RGP1: variants seen among roughly 807,000 people sequenced by gnomAD.
RGP1 encodes RGP1 partner of RAB6A GEF complex, also known as RAB6A-GEF complex partner protein 2.
RGP1 carries 28 observed loss-of-function variants against 44.5 expected under a neutral mutation model. That is an observed-to-expected ratio of 0.63 (90% CI 0.47 to 0.86). The LOEUF (loss-of-function observed/expected upper bound fraction) is 0.86, where lower values mean the gene tolerates loss of function less well. Ranked by LOEUF, RGP1 falls within the 40% of genes least tolerant of loss-of-function variation. The pLI is 0.00. For synonymous variants in RGP1, 212 were observed against 196.7 expected, an observed-to-expected ratio of 1.08 and a Z score of -0.65; for missense variants, 417 against 490.7, an observed-to-expected ratio of 0.85 and a Z score of 1.42.
At chr9:35,787,282 T>C in the RGP1 span, among the ~76,000 whole-genome samples, 2 of 151,672 alleles carry the variant, frequency 1.3e-5, no homozygotes, top group African/African-American at 4.8e-5. Context: ...CAGGCTGGAG[T>C]GCAGAGGTGC....
the RGP1 span, among the ~76,000 whole-genome samples, chr9:35,783,369 A>G: frequency 6.6e-6 from 1 of 152,134 alleles, no homozygotes; most frequent in South Asian, 2.1e-4. Flanking sequence ...AAATACAATA[A>G]TATTGTTAAC....
the RGP1 span, among the ~76,000 whole-genome samples, chr9:35,789,293 C>T: frequency 6.6e-6 from 1 of 151,226 alleles, no homozygotes; most frequent in Non-Finnish European, 1.5e-5. Context: ...GCTGGGATTA[C>T]AGGCGTGAGC....
the RGP1 span, among the ~76,000 whole-genome samples, chr9:35,777,799 C>T: frequency 6.6e-6 from 1 of 152,180 alleles, no homozygotes; most frequent in Non-Finnish European, 1.5e-5. Flanking sequence ...CTTGCTACAG[C>T]TATGAGGGAT....
chr9:35,751,459 T>C (rs774741359), intron 6 of RGP1, 47 bp downstream of exon 6: 2 of 1,611,134 alleles, frequency 1.2e-6, no homozygotes, highest in South Asian at 1.1e-5. Context: ...CCCCTCATTG[T>C]TTTCCCATCT....
At chr9:35,773,750 C>T in the RGP1 span, among the ~76,000 whole-genome samples, 1 of 152,144 alleles carries the variant, frequency 6.6e-6, no homozygotes, top group Non-Finnish European at 1.5e-5. Flanking sequence ...AATCCACCCA[C>T]CTTGGCCTCC....
chr9:35,753,828 T>C lies in RGP1; in HGVS notation c.*954T>C, dbSNP rs1827314887. 3 of 1,551,224 alleles carry C rather than the reference T, an allele frequency of 1.9e-6. No individual in the cohort carries two copies. In the South Asian group the frequency reaches 3.4e-5, roughly 18 times the overall value. Reference sequence around the variant, plus strand: ...AGTGCTGATGAGAGGCAGAGGCTCTTCTGGTCTGGGGTGGAGACAGTAAGT... The same window carrying C: ...AGTGCTGATGAGAGGCAGAGGCTCTCCTGGTCTGGGGTGGAGACAGTAAGT... On this transcript the variant is annotated 3_prime_UTR_variant, in exon 9 of 9. Transcript: ENST00000378078. The surrounding 1 kb of genome is among the most constrained non-coding windows in gnomAD (Gnocchi z 4.2).
chr9:35,770,383 T>C, the RGP1 span, among the ~76,000 whole-genome samples: 1 of 152,112 alleles, frequency 6.6e-6, no homozygotes, highest in South Asian at 2.1e-4. Flanking sequence ...AGTGAAGATA[T>C]CCTGTGGGCA....
chr9:35,752,896 G>T lies in RGP1; in HGVS notation c.*22G>T, dbSNP rs760049994. On this transcript the variant is annotated 3_prime_UTR_variant, in exon 9 of 9. Transcript: ENST00000378078. ...CTGAAACTGGCCCACCCTGGTGCTA[G>T]TTCCTTCCGGATACTGAGAACTCAG... 1.9e-6 allele frequency: 3 copies of T among 1,607,810 alleles called. No homozygotes were observed. The highest frequency in any genetic ancestry group is 1.7e-6 in the Non-Finnish European group (2 of 1,176,238).
the RGP1 span, among the ~76,000 whole-genome samples, chr9:35,766,564 C>T: frequency 0.2 from 29,790 of 152,048 alleles, 3,628 homozygotes; most frequent in Non-Finnish European, 0.27. Flanking sequence ...TACACCAGGT[C>T]ACAAAGATTT....
chr9:35,759,296 G>T (rs1404577335), downstream of RGP1, among the ~76,000 whole-genome samples: 1 of 152,060 alleles, frequency 6.6e-6, no homozygotes, highest in Non-Finnish European at 1.5e-5. Context: ...TGGGCACAGT[G>T]GCTCACACCT....
rs1827337905 is a variant in RGP1, at chr9:35,755,071, G to A, written c.*2197G>A. On this transcript the variant is annotated 3_prime_UTR_variant, in exon 9 of 9. Coordinates refer to ENST00000378078, the MANE Select transcript of RGP1 (RefSeq NM_001080496.3). The stretch of plus-strand genomic sequence containing the variant: ...ATCCTCTGAGTTTCCCACAGGTTCT[G>A]GAGGAGCCCAGGATGGATTATTGAG... 6.6e-6 allele frequency: 1 copy of A among 152,236 alleles called. No homozygotes were observed. Among genetic ancestry groups the A allele is most frequent in the African/African-American group, 2.4e-5 (1 of 41,446 alleles). The allele number at this position is 152,236 out of a possible 1,614,324, so 9.4% of individuals were successfully genotyped here.
In RGP1 at chr9:35,754,296, T is replaced by A; in HGVS notation, c.*1422T>A. Reference sequence around the variant, plus strand: ...GCCCTCTGCTCTCACAGGCTGGGGATGTTTATAAAGTGAGGACCCTGGCCC... The same window carrying A: ...GCCCTCTGCTCTCACAGGCTGGGGAAGTTTATAAAGTGAGGACCCTGGCCC... On this transcript the variant is annotated 3_prime_UTR_variant, in exon 9 of 9. Coordinates refer to ENST00000378078, the MANE Select transcript of RGP1 (RefSeq NM_001080496.3). The A allele has an allele frequency of 3.4e-6, 3 of 872,604 alleles. No individual in the cohort carries two copies. The highest frequency in any genetic ancestry group is 5.0e-6 in the Non-Finnish European group (3 of 602,764). 54.1% of individuals were successfully genotyped at this position (872,604 alleles called of 1,614,324 possible). A position where few individuals can be genotyped will look rare whatever the true frequency, so the allele number is the denominator to read the frequency against.
intron 8 of RGP1, 123 bp downstream of exon 8, chr9:35,752,268 C>A: frequency 5.1e-6 from 5 of 983,944 alleles, no homozygotes; most frequent in East Asian, 2.7e-5. Context: ...TAGCCTCTGA[C>A]CCGGAACAGT....
At chr9:35,776,338 G>A in the RGP1 span, among the ~76,000 whole-genome samples, 14 of 151,516 alleles carry the variant, frequency 9.2e-5, no homozygotes, top group Non-Finnish European at 1.8e-4. Context: ...CCAGGCTGGG[G>A]CGCAGTGGTA....
chr9:35,764,022 G>A, the RGP1 span, among the ~76,000 whole-genome samples: 5 of 151,998 alleles, frequency 3.3e-5, no homozygotes, highest in African/African-American at 1.2e-4. Context: ...AGGAGGCTGA[G>A]GTGGGAGGAC....
chr9:35,775,802 C>G, the RGP1 span, among the ~76,000 whole-genome samples: 1 of 152,240 alleles, frequency 6.6e-6, no homozygotes, highest in East Asian at 1.9e-4. Context: ...TTTACTCTTC[C>G]AGAATATGGT....
chr9:35,750,853 A>T lies in RGP1; in HGVS notation c.351A>T (p.Glu117Asp). 1 of 1,614,018 alleles carries T rather than the reference A, an allele frequency of 6.2e-7. No individual in the cohort carries two copies. ...PGESKSYSYS[E>D]VLPIEGPPSF... ...CTTCCCAACCAGACTCCTACAGTGA[A>T]GTGCTGCCCATAGAGGGACCACCCT... The change falls in exon 5 of 9, where the codon GAA becomes GAT. Residue 117 changes from glutamate (E) to aspartate (D), a missense_variant. Transcript: ENST00000378078.
At chr9:35,772,884 T>C in the RGP1 span, among the ~76,000 whole-genome samples, 2 of 152,232 alleles carry the variant, frequency 1.3e-5, no homozygotes, top group Middle Eastern at 3.4e-3. Flanking sequence ...AAATGAGCTA[T>C]AAAGTTGTGT....
the RGP1 span, among the ~76,000 whole-genome samples, chr9:35,774,175 T>G: frequency 1.3e-5 from 2 of 152,186 alleles, no homozygotes; most frequent in African/African-American, 2.4e-5. Flanking sequence ...TGAATGTACA[T>G]GGGACTCTGA....
Sources: allele counts gnomAD v4.1 joint callset (sites outside exome capture counted in the v4.1 genomes callset), GRCh38; gene constraint gnomAD v4.1.1; non-coding constraint Gnocchi (gnomAD v3.1); transcripts MANE v1.5; gene names NCBI Gene and HGNC (gene_info 2026-07-23, HGNC 2026-07-21).